The following SLC7A2 variants were observed in gnomAD, a reference collection of about 807,000 sequenced individuals.
The protein encoded by SLC7A2 is solute carrier family 7 member 2, also known as cationic amino acid transporter 2.
Under a neutral mutation model 58.9 loss-of-function variants are expected in SLC7A2, and 48 were observed. The observed-to-expected ratio is 0.82, with a 90% CI of 0.65 to 1.04. The LOEUF (loss-of-function observed/expected upper bound fraction) is 1.04, where lower values mean the gene tolerates loss of function less well. Ranked by LOEUF, SLC7A2 falls within the 50% of genes least tolerant of loss-of-function variation. The pLI, the probability that SLC7A2 is intolerant of heterozygous loss-of-function variation, is 0.00. For missense variants in SLC7A2, 1,029 were observed against 818.8 expected, an observed-to-expected ratio of 1.26 and a Z score of -3.13; for synonymous variants, 363 against 314.5, an observed-to-expected ratio of 1.15 and a Z score of -1.63.
In SLC7A2 at chr8:17,535,834, C is replaced by T. The variant is rs568853112; in HGVS notation, c.-22-7484C>T. Among the ~76,000 whole-genome samples the T allele has an allele frequency of 4.6e-5, 7 of 152,134 alleles. No individual in the cohort carries two copies. In the South Asian group the frequency reaches 1.2e-3, roughly 27 times the overall value. On this transcript the variant is annotated intron_variant, in intron 2 of 12. Transcript: ENST00000494857. ...AGGAGAATCGCTTGAACCCGGGAGGCGGAGGTGGCAGTGAGCCGAGATCAT... is the reference window on the plus strand; with the variant it reads ...AGGAGAATCGCTTGAACCCGGGAGGTGGAGGTGGCAGTGAGCCGAGATCAT...
intron 1 of SLC7A2, among the ~76,000 whole-genome samples, chr8:17,498,203 C>T (rs916675894): frequency 6.6e-6 from 1 of 152,168 alleles, no homozygotes; most frequent in South Asian, 2.1e-4. Flanking sequence ...GACGTTTGTG[C>T]AGAAACACTA....
Position 17,566,768 on chromosome 8 carries a change from A to C in SLC7A2, c.*1622A>C, listed in dbSNP as rs1205432156. 6.6e-6 allele frequency: 1 copy of C among 152,108 alleles called. No individual in the cohort carries two copies. Among genetic ancestry groups the C allele is most frequent in the Non-Finnish European group, 1.5e-5 (1 of 68,038 alleles). The allele number at this position is 152,108 out of a possible 1,614,324, so 9.4% of individuals were successfully genotyped here. A position where few individuals can be genotyped will look rare whatever the true frequency, so the allele number is the denominator to read the frequency against. ...ATTTGCAGTGTATTTGCTTCTCATG[A>C]ACTATTTCTCGTACAAATCATTAAA... On this transcript the variant is annotated 3_prime_UTR_variant, in exon 13 of 13. Transcript: ENST00000494857.
chr8:17,517,874 G>C (rs1800863955), intron 2 of SLC7A2, among the ~76,000 whole-genome samples: 2 of 152,036 alleles, frequency 1.3e-5, no homozygotes, highest in Non-Finnish European at 1.5e-5. Flanking sequence ...ACTGCTTCTG[G>C]GTTATGCAGC....
intron 2 of SLC7A2, among the ~76,000 whole-genome samples, chr8:17,529,368 G>GGAAT (rs1801345444): frequency 6.3e-5 from 6 of 95,480 alleles, no homozygotes; most frequent in Admixed American, 9.1e-5. Context: ...TATGGCCAGC[G>GGAAT]AAATACTATT....
At chr8:17,515,001 A>G (rs909916501) in intron 2 of SLC7A2, among the ~76,000 whole-genome samples, 1 of 152,220 alleles carries the variant, frequency 6.6e-6, no homozygotes, top group African/African-American at 2.4e-5. Context: ...GGGTAGAGCT[A>G]TATTGGTAAA....
In SLC7A2 at chr8:17,568,495, C is replaced by T. The variant is rs753349231; in HGVS notation, c.*3349C>T. ...ATTAATATATAGAACTTTACCATCA[C>T]CAGCCGTAGTTGATAGAAAATATTA... On this transcript the variant is annotated 3_prime_UTR_variant, in exon 13 of 13. Coordinates refer to ENST00000494857, the MANE Select transcript of SLC7A2 (RefSeq NM_001370338.1). 1 of 152,044 alleles carries T rather than the reference C, an allele frequency of 6.6e-6. No individual in the cohort carries two copies. The highest frequency in any genetic ancestry group is 2.1e-4 in the South Asian group (1 of 4,816). The allele number at this position is 152,044 out of a possible 1,614,324, so 9.4% of individuals were successfully genotyped here.
intron 2 of SLC7A2, chr8:17,511,175 G>C (rs886359323): frequency 2.6e-5 from 4 of 152,074 alleles, no homozygotes; most frequent in Non-Finnish European, 5.9e-5. Flanking sequence ...GTAGATGGCA[G>C]GTTGATAGGT....
intron 2 of SLC7A2, among the ~76,000 whole-genome samples, chr8:17,531,922 A>G (rs749186292): frequency 9.2e-5 from 14 of 152,002 alleles, no homozygotes; most frequent in Non-Finnish European, 1.8e-4. Context: ...GATTATGGAT[A>G]TTTCTTAGTT....
In SLC7A2 at chr8:17,566,254, T is replaced by G. The variant is rs1215951861; in HGVS notation, c.*1108T>G. The G allele has an allele frequency of 6.6e-6, 1 of 152,202 alleles. No individual in the cohort carries two copies. Among genetic ancestry groups the G allele is most frequent in the Non-Finnish European group, 1.5e-5 (1 of 68,032 alleles). The allele number at this position is 152,202 out of a possible 1,614,324, so 9.4% of individuals were successfully genotyped here. On this transcript the variant is annotated 3_prime_UTR_variant, in exon 13 of 13. Transcript: ENST00000494857. ...CACTTCTTTGTTTCTCTGTTTCTTT[T>G]GTCTTGTCTTAGAGATGAGGGGGCT...
chr8:17,551,146 TTAG>T (rs1334040765), intron 6 of SLC7A2, among the ~76,000 whole-genome samples: 1 of 152,200 alleles, frequency 6.6e-6, no homozygotes, highest in Non-Finnish European at 1.5e-5. Flanking sequence ...CGCTGAACAC[TTAG>T]TAGTGCTGCT....
At chr8:17,529,780 G>A (rs562079805) in intron 2 of SLC7A2, among the ~76,000 whole-genome samples, 3 of 151,890 alleles carry the variant, frequency 2.0e-5, no homozygotes, top group Admixed American at 6.6e-5. Flanking sequence ...CAAGTAATCC[G>A]CCCACCTTGG....
chr8:17,522,289 C>T (rs1359272660), intron 2 of SLC7A2, among the ~76,000 whole-genome samples: 1 of 152,030 alleles, frequency 6.6e-6, no homozygotes, highest in East Asian at 1.9e-4. Context: ...ACCATGAGAA[C>T]AGTGTGGGGG....
chr8:17,554,913 C>G, intron 8 of SLC7A2: 1 of 1,611,134 alleles, frequency 6.2e-7, no homozygotes, highest in Non-Finnish European at 8.5e-7. Context: ...CTTAAAATAA[C>G]TCATGTGTGG....
intron 2 of SLC7A2, among the ~76,000 whole-genome samples, chr8:17,514,636 C>T (rs1415032469): frequency 6.6e-6 from 1 of 152,138 alleles, no homozygotes; most frequent in East Asian, 1.9e-4. Flanking sequence ...AAGGTCCTTG[C>T]CTTGCTTCTT....
intron 7 of SLC7A2, 112 bp downstream of exon 7, chr8:17,552,098 A>G: frequency 2.7e-6 from 2 of 729,738 alleles, no homozygotes; most frequent in Non-Finnish European, 4.6e-6. Context: ...ACAAAATATT[A>G]TGCAACTTTG....
chr8:17,524,664 G>A (rs1364629775), intron 2 of SLC7A2, among the ~76,000 whole-genome samples: 3 of 152,262 alleles, frequency 2.0e-5, no homozygotes, highest in Admixed American at 6.5e-5. Flanking sequence ...AGGGGAAAGG[G>A]TTGGGGATGG....
Position 17,548,751 on chromosome 8 carries a change from TC to T in SLC7A2, c.607del (p.Leu203CysfsTer3). On this transcript the variant is annotated frameshift_variant, in exon 5 of 13. Coordinates refer to ENST00000494857, the MANE Select transcript of SLC7A2 (RefSeq NM_001370338.1). LOFTEE classifies it high-confidence loss of function. ...VFTAVNILVL[L>X]FVMVAGFVKG... is the part of the protein sequence containing the mutation. ...TCACAGCTGTTAATATTCTCGTCCT[TC>T]TGTTTGTGATGGTTGCTGGGTTTGT... The T allele has an allele frequency of 6.2e-7, 1 of 1,613,950 alleles. No homozygotes were observed. The highest frequency in any genetic ancestry group is 2.2e-5 in the East Asian group (1 of 44,848).
chr8:17,545,775 A>T (rs1168907164), intron 4 of SLC7A2, among the ~76,000 whole-genome samples: 1 of 152,116 alleles, frequency 6.6e-6, no homozygotes, highest in Non-Finnish European at 1.5e-5. Flanking sequence ...AGTAAAAACC[A>T]TGTCTGTTCC....
At chr8:17,533,839 G>C (rs1022752026) in intron 2 of SLC7A2, among the ~76,000 whole-genome samples, 7 of 152,286 alleles carry the variant, frequency 4.6e-5, no homozygotes, top group African/African-American at 1.7e-4. Context: ...ATGGTGGTTT[G>C]CTGCACCTGT....
Sources: gnomAD v4.1 joint callset for allele counts (sites outside exome capture counted in the v4.1 genomes callset) on GRCh38, gnomAD v4.1.1 for gene constraint, MANE v1.5 for transcripts, NCBI Gene and HGNC (gene_info 2026-07-23, HGNC 2026-07-21) for gene names.